Variants in CCDC6 observed in about 807,000 individuals in gnomAD.
The protein encoded by CCDC6 is coiled-coil domain containing 6, also known as coiled-coil domain-containing protein 6.
A neutral mutation model predicts 56.6 loss-of-function variants in CCDC6; 20 were observed. That is an observed-to-expected ratio of 0.35 (90% CI 0.25 to 0.51). The LOEUF is 0.51. Among genes scored for constraint, CCDC6 ranks in the 20% least tolerant of loss-of-function variants. The pLI is 0.95. For missense variants in CCDC6, 367 were observed against 601.1 expected, an observed-to-expected ratio of 0.61 and a Z score of 4.07; for synonymous variants, 241 against 234.4, an observed-to-expected ratio of 1.03 and a Z score of -0.26.
At chr10:59,877,422 T>C (rs1354823908) in intron 1 of CCDC6, among the ~76,000 whole-genome samples, 2 of 151,986 alleles carry the variant, frequency 1.3e-5, no homozygotes, top group Non-Finnish European at 2.9e-5. Context: ...GGTTCCAAGG[T>C]TAGGATGTAA....
intron 2 of CCDC6, among the ~76,000 whole-genome samples, chr10:59,833,474 T>G (rs750094983): frequency 2.6e-5 from 4 of 151,974 alleles, no homozygotes; most frequent in Non-Finnish European, 4.4e-5. Flanking sequence ...ATTCATGCAA[T>G]TAAAAGATAA....
chr10:59,901,383 A>G (rs932262462), intron 1 of CCDC6, among the ~76,000 whole-genome samples: 2 of 152,256 alleles, frequency 1.3e-5, no homozygotes, highest in African/African-American at 4.8e-5. Context: ...TGAAAATAAC[A>G]TATTAGACTT....
rs150818768 is a variant in CCDC6, at chr10:59,819,649, G to A, written c.583-4894C>T. Among the ~76,000 whole-genome samples, 782 of 152,204 alleles carry A rather than the reference G, an allele frequency of 5.1e-3. 4 individuals are homozygous for A. Among genetic ancestry groups the A allele is most frequent in the African/African-American group, 0.018 (736 of 41,536 alleles). ...AGTAAGTTGGAAATTCTTGCTTCAG[G>A]TGTAAAAAGCCAAGTGATACAGTGC... On this transcript the variant is annotated intron_variant, in intron 3 of 8. Coordinates refer to ENST00000263102, the MANE Select transcript of CCDC6 (RefSeq NM_005436.5).
intron 1 of CCDC6, among the ~76,000 whole-genome samples, chr10:59,854,530 T>C (rs1322696628): frequency 6.6e-6 from 1 of 152,150 alleles, no homozygotes; most frequent in Non-Finnish European, 1.5e-5. Flanking sequence ...TAAATCTGTA[T>C]TACCAGCCAA....
intron 1 of CCDC6, among the ~76,000 whole-genome samples, chr10:59,881,919 T>C (rs1285544764): frequency 6.6e-6 from 1 of 152,114 alleles, no homozygotes; most frequent in Non-Finnish European, 1.5e-5. Flanking sequence ...AATGAAGTGC[T>C]CTTGTATCCA....
chr10:59,844,344 G>A lies in CCDC6; in HGVS notation c.453+8209C>T, dbSNP rs1157783853. On this transcript the variant is annotated intron_variant, in intron 2 of 8. Transcript: ENST00000263102. ...CTTGGGTATATATCTAAAGGGTTAA[G>A]TTTGAGTTTCCTGGATTTCCAGGAG... Among the ~76,000 whole-genome samples the A allele has an allele frequency of 4.0e-5, 6 of 150,348 alleles. No individual in the cohort carries two copies. In the East Asian group the frequency reaches 1.2e-3, roughly 30 times the overall value.
rs7090703 is a variant in CCDC6 at position 59,831,154 on chromosome 10, C to T, written c.582+1371G>A. Among the ~76,000 whole-genome samples, 918 of 152,162 alleles carry T rather than the reference C, an allele frequency of 6.0e-3. 12 individuals carry two copies. Among genetic ancestry groups the T allele is most frequent in the African/African-American group, 0.021 (865 of 41,494 alleles). ...AAAATGTTTTTAAACTGGTAGGGCA[C>T]GGGGCATGGTGTCTGGTTAACTTAG... On this transcript the variant is annotated intron_variant, in intron 3 of 8. Coordinates refer to ENST00000263102, the MANE Select transcript of CCDC6 (RefSeq NM_005436.5).
At chr10:59,827,379 G>C (rs1479300014) in intron 3 of CCDC6, among the ~76,000 whole-genome samples, 2 of 152,164 alleles carry the variant, frequency 1.3e-5, no homozygotes, top group African/African-American at 2.4e-5. Context: ...TCAGTGACTA[G>C]GTTACCATAT....
At chr10:59,847,207 C>A (rs1413919274) in intron 2 of CCDC6, among the ~76,000 whole-genome samples, 1 of 152,108 alleles carries the variant, frequency 6.6e-6, no homozygotes, top group Non-Finnish European at 1.5e-5. Context: ...TGCCTGCCAC[C>A]ACGCCGGGCT....
chr10:59,808,275 G>C (rs975384158), intron 5 of CCDC6, among the ~76,000 whole-genome samples: 2 of 152,056 alleles, frequency 1.3e-5, no homozygotes, highest in Admixed American at 6.5e-5. Context: ...CATCTTTATG[G>C]GGATCCAGGG....
chr10:59,806,726 T>C (rs1436190268), intron 6 of CCDC6, 196 bp downstream of exon 6: 1 of 458,628 alleles, frequency 2.2e-6, no homozygotes, highest in Non-Finnish European at 3.8e-6. Flanking sequence ...ATTTTTTTCA[T>C]CTTTTTGTGT....
chr10:59,896,934 C>T (rs1321019437), intron 1 of CCDC6, among the ~76,000 whole-genome samples: 1 of 149,894 alleles, frequency 6.7e-6, no homozygotes, highest in Non-Finnish European at 1.5e-5. Flanking sequence ...GCATGCAAGG[C>T]TCAAAATGGC....
chr10:59,861,932 A>G (rs1037824836), intron 1 of CCDC6, among the ~76,000 whole-genome samples: 1 of 152,208 alleles, frequency 6.6e-6, no homozygotes, highest in Non-Finnish European at 1.5e-5. Flanking sequence ...AAAATTAATG[A>G]AACAGAATGA....
In CCDC6 at chr10:59,870,759, C is replaced by T. The variant is rs925823008; in HGVS notation, c.304-18057G>A. Among the ~76,000 whole-genome samples, 4 of 152,258 alleles carry T rather than the reference C, an allele frequency of 2.6e-5. No homozygotes were observed. In the East Asian group the frequency reaches 5.8e-4, roughly 22 times the overall value. On this transcript the variant is annotated intron_variant, in intron 1 of 8. Coordinates refer to ENST00000263102, the MANE Select transcript of CCDC6 (RefSeq NM_005436.5). ...CTTCCCACTTTTCACAGGCTGGAAT[C>T]GAACTAGAAGTTATAAGGCAGGTCC... is the stretch of plus-strand genomic sequence containing the variant.
In CCDC6 at chr10:59,791,100, T is replaced by G. The variant is rs1246486587; in HGVS notation, c.*1817A>C. The G allele has an allele frequency of 3.4e-5, 7 of 205,980 alleles. No homozygotes were observed. Among genetic ancestry groups the G allele is most frequent in the Non-Finnish European group, 9.9e-6 (1 of 100,748 alleles). 12.8% of individuals were successfully genotyped at this position (205,980 alleles called of 1,614,324 possible). Reference sequence around the variant, plus strand: ...GTTGGTGAAAATTCCGGGTTTGACATGGCCCAGTCTGATCACATCAAAAAC... The same window carrying G: ...GTTGGTGAAAATTCCGGGTTTGACAGGGCCCAGTCTGATCACATCAAAAAC... On this transcript the variant is annotated 3_prime_UTR_variant, in exon 9 of 9. Coordinates refer to ENST00000263102, the MANE Select transcript of CCDC6 (RefSeq NM_005436.5).
At chr10:59,867,876 AT>A (rs1220574816) in intron 1 of CCDC6, among the ~76,000 whole-genome samples, 7 of 152,052 alleles carry the variant, frequency 4.6e-5, no homozygotes, top group Non-Finnish European at 1.0e-4. Flanking sequence ...GCCAAGAAAA[AT>A]TTTAAATCTA....
intron 1 of CCDC6, among the ~76,000 whole-genome samples, chr10:59,885,943 G>A (rs1230966558): frequency 7.9e-6 from 1 of 126,404 alleles, no homozygotes; most frequent in Non-Finnish European, 1.6e-5. Context: ...TAGAATATCA[G>A]CTGCCAGAGG....
At position 59,868,451 on chromosome 10, in the gene CCDC6, T is replaced by C. The variant is rs151124955; in HGVS notation, c.304-15749A>G. Among the ~76,000 whole-genome samples, 226 of 152,252 alleles carry C rather than the reference T, an allele frequency of 1.5e-3. 1 individual carries two copies. The highest frequency in any genetic ancestry group is 5.3e-3 in the African/African-American group (219 of 41,546). On this transcript the variant is annotated intron_variant, in intron 1 of 8. Transcript: ENST00000263102. ...CGCCGCCACTAGACCGTTCCTGTGATTAAGGTGGTTCTTCTATTCAGCTCA... is the reference window on the plus strand; with the variant it reads ...CGCCGCCACTAGACCGTTCCTGTGACTAAGGTGGTTCTTCTATTCAGCTCA...
At chr10:59,820,662 C>T (rs1384334820) in intron 3 of CCDC6, among the ~76,000 whole-genome samples, 1 of 152,072 alleles carries the variant, frequency 6.6e-6, no homozygotes, top group Non-Finnish European at 1.5e-5. Context: ...GCAGGCGGAT[C>T]TCTTGAGCCC....
Sources: allele counts gnomAD v4.1 joint callset (sites outside exome capture counted in the v4.1 genomes callset), GRCh38; gene constraint gnomAD v4.1.1; transcripts MANE v1.5; gene names NCBI Gene and HGNC (gene_info 2026-07-23, HGNC 2026-07-21).